Variants in ADAMTS17 observed in about 807,000 individuals in gnomAD.
ADAMTS17 encodes ADAM metallopeptidase with thrombospondin type 1 motif 17.
Under a neutral mutation model 141.5 loss-of-function variants are expected in ADAMTS17, and 113 were observed. That is an observed-to-expected ratio of 0.80 (90% confidence interval 0.69 to 0.93). ADAMTS17 has a LOEUF of 0.93. Ranked by LOEUF, ADAMTS17 falls within the 40% of genes least tolerant of loss-of-function variation. The probability of loss-of-function intolerance (pLI) is 0.00; values close to 1 mark genes in which losing one functional copy is unlikely to be tolerated. For synonymous variants in ADAMTS17, 768 were observed against 630.6 expected (o/e 1.22, Z -3.27); for missense variants, 1,659 against 1,517.9 (o/e 1.09, Z -1.54).
intron 2 of ADAMTS17, among the ~76,000 whole-genome samples, chr15:100,332,623 T>C (rs1348048659): frequency 6.6e-6 from 1 of 152,254 alleles, no homozygotes; most frequent in Admixed American, 6.5e-5. Context: ...CTGTTAGTTC[T>C]AAGCTGATAC....
chr15:100,218,352 A>C (rs1247918498), intron 7 of ADAMTS17, among the ~76,000 whole-genome samples: 1 of 152,242 alleles, frequency 6.6e-6, no homozygotes, highest in Non-Finnish European at 1.5e-5. Context: ...GAAGAATCCA[A>C]CACCACCTCT....
At chr15:100,277,494 A>C (rs2044139257) in intron 4 of ADAMTS17, among the ~76,000 whole-genome samples, 1 of 152,174 alleles carries the variant, frequency 6.6e-6, no homozygotes, top group South Asian at 2.1e-4. Flanking sequence ...TGTTGTAATG[A>C]ATGTTTATTC....
chr15:100,232,797 T>C (rs11857816), intron 7 of ADAMTS17, among the ~76,000 whole-genome samples: 25,943 of 152,078 alleles, frequency 0.17, 3,052 homozygotes, highest in African/African-American at 0.33. Flanking sequence ...TTCTTCACAC[T>C]GACACCATGG....
At chr15:100,002,651 T>C (rs1016910104) in intron 18 of ADAMTS17, among the ~76,000 whole-genome samples, 5 of 152,062 alleles carry the variant, frequency 3.3e-5, no homozygotes, top group African/African-American at 9.7e-5. Context: ...AAAAGTTTTG[T>C]AGATTTAAGA....
intron 15 of ADAMTS17, chr15:100,063,646 C>A: frequency 7.8e-7 from 1 of 1,288,932 alleles, no homozygotes; most frequent in Non-Finnish European, 1.0e-6. Flanking sequence ...ATTCTCAACA[C>A]ATAAATGGTG....
chr15:100,211,836 C>A (rs903599267), intron 7 of ADAMTS17, among the ~76,000 whole-genome samples: 1 of 152,062 alleles, frequency 6.6e-6, no homozygotes, highest in Admixed American at 6.6e-5. Context: ...AAAATTCTGA[C>A]AATAACCGGC....
chr15:100,322,903 T>C (rs1216881437), intron 3 of ADAMTS17, among the ~76,000 whole-genome samples: 1 of 151,440 alleles, frequency 6.6e-6, no homozygotes, highest in Non-Finnish European at 1.5e-5. Context: ...CTGGTCAACA[T>C]GGTGAAAGCC....
chr15:100,236,551 A>G (rs116950327), intron 7 of ADAMTS17, among the ~76,000 whole-genome samples: 2 of 151,980 alleles, frequency 1.3e-5, no homozygotes, highest in Non-Finnish European at 2.9e-5. Flanking sequence ...ACAAACAAAC[A>G]AACAAAAAAA....
chr15:100,208,255 T>G (rs1435566385), intron 7 of ADAMTS17, among the ~76,000 whole-genome samples: 1 of 152,196 alleles, frequency 6.6e-6, no homozygotes. Flanking sequence ...CAACAGGCAT[T>G]CCGGGTGTGC....
chr15:100,100,979 C>T (rs575297556), intron 14 of ADAMTS17, among the ~76,000 whole-genome samples: 1 of 152,220 alleles, frequency 6.6e-6, no homozygotes, highest in African/African-American at 2.4e-5. Flanking sequence ...CCAGAATAGC[C>T]TCTTAACTTG....
intron 8 of ADAMTS17, among the ~76,000 whole-genome samples, chr15:100,169,304 T>C (rs187556940): frequency 6.6e-6 from 1 of 152,196 alleles, no homozygotes; most frequent in East Asian, 1.9e-4. Flanking sequence ...CAGGCAAAGG[T>C]GGAGCCACCC....
intron 8 of ADAMTS17, among the ~76,000 whole-genome samples, chr15:100,186,621 A>G (rs1171055797): frequency 1.3e-5 from 2 of 152,210 alleles, no homozygotes; most frequent in African/African-American, 4.8e-5. Flanking sequence ...TCTCTCAGGT[A>G]GACATTCCTC....
chr15:100,104,839 G>A (rs1428391053), intron 14 of ADAMTS17, among the ~76,000 whole-genome samples: 3 of 152,262 alleles, frequency 2.0e-5, no homozygotes, highest in East Asian at 3.9e-4. Context: ...AAATGCCACA[G>A]GAATCCAGAA....
chr15:99,974,396 T>G lies in ADAMTS17; in HGVS notation c.*6A>C, dbSNP rs756484586. 1 of 1,614,160 alleles carries G rather than the reference T, an allele frequency of 6.2e-7. No homozygotes were observed. Among genetic ancestry groups the G allele is most frequent in the Non-Finnish European group, 8.5e-7 (1 of 1,180,032 alleles). ...CTGAGCTTTGAGCGACCCTTGGGACTGCGTGTCACGAGTTCGGCGGTGGCT... is the reference window on the plus strand; with the variant it reads ...CTGAGCTTTGAGCGACCCTTGGGACGGCGTGTCACGAGTTCGGCGGTGGCT... On this transcript the variant is annotated 3_prime_UTR_variant, in exon 22 of 22. Coordinates refer to ENST00000268070, the MANE Select transcript of ADAMTS17 (RefSeq NM_139057.4).
In ADAMTS17 at chr15:99,999,156, G is replaced by A. The variant is rs181956572; in HGVS notation, c.2592-1567C>T. ...CCTCCCACGTGCCAGGCACCTTCTA[G>A]GTTCTGATGAGGAAGCAGTGAGTGA... On this transcript the variant is annotated intron_variant, in intron 18 of 21. Coordinates refer to ENST00000268070, the MANE Select transcript of ADAMTS17 (RefSeq NM_139057.4). 7.4e-3 allele frequency among the ~76,000 whole-genome samples: 1,125 copies of A among 152,302 alleles called. 8 individuals are homozygous for A. Among genetic ancestry groups the A allele is most frequent in the Non-Finnish European group, 0.012 (786 of 68,028 alleles).
chr15:100,210,034 A>G (rs1300052452), intron 7 of ADAMTS17, among the ~76,000 whole-genome samples: 1 of 152,054 alleles, frequency 6.6e-6, no homozygotes, highest in African/African-American at 2.4e-5. Flanking sequence ...GGAGATCAAG[A>G]CCATCCTGGC....
chr15:100,155,138 C>G, intron 9 of ADAMTS17, 42 bp downstream of exon 9: 1 of 1,613,948 alleles, frequency 6.2e-7, no homozygotes, highest in Non-Finnish European at 8.5e-7. Context: ...TTTGGAAGTA[C>G]TTTTGATTGC....
At chr15:100,281,707 A>G (rs951676702) in intron 3 of ADAMTS17, among the ~76,000 whole-genome samples, 11 of 152,198 alleles carry the variant, frequency 7.2e-5, no homozygotes, top group African/African-American at 2.7e-4. Flanking sequence ...CCTTTAGAGA[A>G]GCACGGAGAG....
chr15:100,305,485 T>C (rs2045191786), intron 3 of ADAMTS17, among the ~76,000 whole-genome samples: 1 of 152,210 alleles, frequency 6.6e-6, no homozygotes, highest in African/African-American at 2.4e-5. Flanking sequence ...AAGACCTGTG[T>C]GCACAAGGCC....
Sources: gnomAD v4.1 joint callset for allele counts (sites outside exome capture counted in the v4.1 genomes callset) on GRCh38, gnomAD v4.1.1 for gene constraint, MANE v1.5 for transcripts, NCBI Gene and HGNC (gene_info 2026-07-23, HGNC 2026-07-21) for gene names.